The following CNTN1 variants were observed in gnomAD, a reference collection of about 807,000 sequenced individuals.
CNTN1 encodes contactin 1.
CNTN1 carries 38 observed loss-of-function variants against 126.4 expected under a neutral mutation model. That is an observed-to-expected ratio of 0.30 (90% CI 0.23 to 0.39). The LOEUF (loss-of-function observed/expected upper bound fraction) is 0.39, where lower values mean the gene tolerates loss of function less well. Among genes scored for constraint, CNTN1 ranks in the 10% least tolerant of loss-of-function variants. CNTN1 has a pLI of 1.00. For missense variants in CNTN1, 1,009 were observed against 1,248.4 expected (o/e 0.81, Z 2.89); for synonymous variants, 413 against 422.6 (o/e 0.98, Z 0.28).
intron 17 of CNTN1, among the ~76,000 whole-genome samples, chr12:41,006,857 G>T (rs190086160): frequency 1.2e-3 from 179 of 152,258 alleles, no homozygotes; most frequent in African/African-American, 3.8e-3. Context: ...CTGGGTAGCT[G>T]GGTGGTGCCC....
At chr12:40,919,924 G>T (rs1211989061) in intron 4 of CNTN1, among the ~76,000 whole-genome samples, 1 of 152,060 alleles carries the variant, frequency 6.6e-6, no homozygotes, top group Non-Finnish European at 1.5e-5. Context: ...ATTTGTCATT[G>T]ACATGGAATA....
intron 15 of CNTN1, among the ~76,000 whole-genome samples, chr12:40,961,638 T>A (rs1947109322): frequency 6.6e-6 from 1 of 151,966 alleles, no homozygotes; most frequent in Non-Finnish European, 1.5e-5. Flanking sequence ...GGAAAATGAT[T>A]TGTAATTTTC....
At chr12:41,026,469 A>G (rs1396968968) in intron 21 of CNTN1, among the ~76,000 whole-genome samples, 1 of 152,240 alleles carries the variant, frequency 6.6e-6, no homozygotes, top group Non-Finnish European at 1.5e-5. Flanking sequence ...CTCTGAGAAG[A>G]TGCCAGTTAA....
At chr12:41,002,567 T>TC (rs1228238926) in intron 17 of CNTN1, among the ~76,000 whole-genome samples, 1 of 149,052 alleles carries the variant, frequency 6.7e-6, no homozygotes, top group African/African-American at 2.5e-5. Context: ...TCTTTTTTTT[T>TC]TTTTTTTTGA....
At chr12:40,949,417 T>TTCC (rs1566017722) in intron 14 of CNTN1, among the ~76,000 whole-genome samples, 1 of 100,166 alleles carries the variant, frequency 1.0e-5, no homozygotes, top group African/African-American at 3.8e-5. Context: ...ATGCTATCCC[T>TTCC]ACCCCCCCTC....
At chr12:40,933,981 C>T in intron 9 of CNTN1, 103 bp downstream of exon 9, 2 of 856,892 alleles carry the variant, frequency 2.3e-6, no homozygotes, top group Non-Finnish European at 3.8e-6. Flanking sequence ...GTTTTAAAAA[C>T]AGTGATGCAT....
At chr12:40,911,939 A>G (rs1210347881) in intron 3 of CNTN1, among the ~76,000 whole-genome samples, 1 of 152,184 alleles carries the variant, frequency 6.6e-6, no homozygotes, top group Non-Finnish European at 1.5e-5. Flanking sequence ...CATGAAAGTA[A>G]AGGGCAGAAG....
intron 19 of CNTN1, among the ~76,000 whole-genome samples, chr12:41,019,734 G>A (rs1486236916): frequency 6.6e-6 from 1 of 152,116 alleles, no homozygotes; most frequent in Non-Finnish European, 1.5e-5. Flanking sequence ...AACAGTGGAT[G>A]TTACAACTTG....
At chr12:40,854,721 G>A (rs979645845) in intron 1 of CNTN1, among the ~76,000 whole-genome samples, 15 of 152,276 alleles carry the variant, frequency 9.9e-5, no homozygotes, top group African/African-American at 3.6e-4. Flanking sequence ...CTAACTCAGA[G>A]TAGGAGAGCC....
intron 23 of CNTN1, among the ~76,000 whole-genome samples, chr12:41,041,832 G>T (rs1949419516): frequency 6.6e-6 from 1 of 152,042 alleles, no homozygotes; most frequent in Non-Finnish European, 1.5e-5. Context: ...CTTGCTAGCG[G>T]TCTATCAATT....
intron 23 of CNTN1, among the ~76,000 whole-genome samples, chr12:41,036,747 T>A (rs1451035515): frequency 6.6e-6 from 1 of 152,180 alleles, no homozygotes; most frequent in African/African-American, 2.4e-5. Context: ...TCTTTGTATA[T>A]AGACCTTTTT....
intron 1 of CNTN1, among the ~76,000 whole-genome samples, chr12:40,767,541 C>T (rs1304505330): frequency 6.6e-6 from 1 of 152,000 alleles, no homozygotes; most frequent in Non-Finnish European, 1.5e-5. Context: ...ATCTCCTGAC[C>T]TCTTGATCCG....
chr12:41,010,337 G>T (rs1948614670), intron 17 of CNTN1, among the ~76,000 whole-genome samples: 1 of 152,132 alleles, frequency 6.6e-6, no homozygotes, highest in African/African-American at 2.4e-5. Flanking sequence ...AGGTTAAGGT[G>T]GTTTTTTCTT....
At chr12:40,771,910 A>ACACACATAG (rs1165830031) in intron 1 of CNTN1, among the ~76,000 whole-genome samples, 2 of 152,066 alleles carry the variant, frequency 1.3e-5, no homozygotes, top group Non-Finnish European at 1.5e-5. Context: ...CGAGGGAAAT[A>ACACACATAG]CACACATAGC....
intron 14 of CNTN1, among the ~76,000 whole-genome samples, chr12:40,956,866 A>T (rs1377177233): frequency 2.0e-5 from 3 of 152,122 alleles, no homozygotes; most frequent in African/African-American, 7.2e-5. Context: ...AATAGAGTGG[A>T]ACAGTGGTGG....
chr12:40,770,593 T>C (rs1939298885), intron 1 of CNTN1, among the ~76,000 whole-genome samples: 1 of 152,096 alleles, frequency 6.6e-6, no homozygotes, highest in South Asian at 2.1e-4. Context: ...AAAGAATTAG[T>C]AAAGGGTGTA....
intron 1 of CNTN1, among the ~76,000 whole-genome samples, chr12:40,804,357 T>C (rs1940766420): frequency 6.6e-6 from 1 of 152,092 alleles, no homozygotes; most frequent in African/African-American, 2.4e-5. Context: ...TTACAAATGC[T>C]AGTCATTTTA....
intron 14 of CNTN1, among the ~76,000 whole-genome samples, chr12:40,956,384 C>T (rs75621668): frequency 0.097 from 14,771 of 151,948 alleles, 836 homozygotes; most frequent in Non-Finnish European, 0.12. Context: ...ACTGCATTTA[C>T]GATATGTAAT....
chr12:41,016,791 G>T lies in CNTN1; in HGVS notation c.2294G>T (p.Gly765Val). The change falls in exon 19 of 24, where the codon GGC becomes GTC. Residue 765 changes from glycine (G) to valine (V), a missense_variant. Gly to Val is a moderately radical substitution (Grantham distance 109). Transcript: ENST00000551295. ...GTCACAGTTACTAATCCTGATACTGGCCGATATGTCCATAAAGATGAAACC... is the reference window on the plus strand; with the variant it reads ...GTCACAGTTACTAATCCTGATACTGTCCGATATGTCCATAAAGATGAAACC... The part of the protein sequence containing the change: ...KKVTVTNPDT[G>V]RYVHKDETMS... The T allele has an allele frequency of 6.2e-7, 1 of 1,614,052 alleles. No individual in the cohort carries two copies. Among genetic ancestry groups the T allele is most frequent in the Non-Finnish European group, 8.5e-7 (1 of 1,179,976 alleles).
Sources: gnomAD v4.1 joint callset for allele counts (sites outside exome capture counted in the v4.1 genomes callset) on GRCh38, gnomAD v4.1.1 for gene constraint, MANE v1.5 for transcripts, NCBI Gene and HGNC (gene_info 2026-07-23, HGNC 2026-07-21) for gene names.